MED12L: variants seen among roughly 807,000 people sequenced by gnomAD.
MED12L encodes mediator complex subunit 12L, also known as mediator of RNA polymerase II transcription subunit 12-like protein.
Under a neutral mutation model 281.3 loss-of-function variants are expected in MED12L, and 60 were observed. The observed-to-expected ratio is 0.21, with a 90% CI of 0.17 to 0.26. MED12L has a LOEUF of 0.26. MED12L is among the 10% of genes least tolerant of loss of function. The pLI is 1.00. For missense variants in MED12L, 2,146 were observed against 2,680.9 expected (o/e 0.80, Z 4.41); for synonymous variants, 974 against 987.2 (o/e 0.99, Z 0.25).
chr3:151,338,554 GAC>G, intron 16 of MED12L: 1 of 1,613,924 alleles, frequency 6.2e-7, no homozygotes, highest in South Asian at 1.1e-5. Flanking sequence ...GAGGTAACTT[GAC>G]ACACAAAAGT....
chr3:151,265,957 G>A (rs1023804410), intron 16 of MED12L, among the ~76,000 whole-genome samples: 5 of 152,178 alleles, frequency 3.3e-5, no homozygotes, highest in African/African-American at 1.2e-4. Flanking sequence ...GGGCAAGTCT[G>A]ATTAGTTCTG....
rs540396547 is a variant in MED12L, at chr3:151,167,438, T to A, written c.1494+1456T>A. Among the ~76,000 whole-genome samples the A allele has an allele frequency of 5.0e-4, 76 of 152,360 alleles. 1 individual carries two copies. The highest frequency in any genetic ancestry group is 1.7e-3 in the African/African-American group (72 of 41,584). ...TGATATTTCAACTGGCTTTTGGGAA[T>A]GCATATGTGGAAAGAAAAGATGAAA... On this transcript the variant is annotated intron_variant, in intron 11 of 44. Transcript: ENST00000687756.
Position 151,169,016 on chromosome 3 carries a change from TGGTATATGCATCAA to T in MED12L, c.1494+3042_1494+3055del, listed in dbSNP as rs576735882. Among the ~76,000 whole-genome samples the T allele has an allele frequency of 1.6e-3, 243 of 152,250 alleles. 1 individual carries two copies. Among genetic ancestry groups the T allele is most frequent in the African/African-American group, 5.3e-3 (221 of 41,548 alleles). On this transcript the variant is annotated intron_variant, in intron 11 of 44. Coordinates refer to ENST00000687756, the MANE Select transcript of MED12L (RefSeq NM_001393769.1). ...AATATGTCGTTGGTATCTGTATGTA[TGGTATATGCATCAA>T]GGTATATATGTATATGTAATCAAGT...
At chr3:151,128,241 A>G (rs376740009) in intron 5 of MED12L, among the ~76,000 whole-genome samples, 6 of 152,322 alleles carry the variant, frequency 3.9e-5, no homozygotes, top group African/African-American at 1.2e-4. Context: ...AGCTGTTGAA[A>G]TGCTGGTTCA....
chr3:151,356,418 A>G (rs1753930552), intron 19 of MED12L, among the ~76,000 whole-genome samples: 1 of 152,182 alleles, frequency 6.6e-6, no homozygotes, highest in African/African-American at 2.4e-5. Context: ...ATAAAATTTA[A>G]AAAATAAAAA....
intron 2 of MED12L, among the ~76,000 whole-genome samples, chr3:151,110,315 A>C (rs1446601591): frequency 6.6e-6 from 1 of 152,130 alleles, no homozygotes; most frequent in Non-Finnish European, 1.5e-5. Context: ...GAACCTCTTA[A>C]TGCTGCCTAA....
At chr3:151,325,729 A>G (rs1396963376) in intron 16 of MED12L, among the ~76,000 whole-genome samples, 2 of 152,180 alleles carry the variant, frequency 1.3e-5, no homozygotes, top group Non-Finnish European at 1.5e-5. Flanking sequence ...ATTTATCTTG[A>G]AAGATCTTTC....
chr3:151,118,622 A>G (rs953232902), intron 3 of MED12L, among the ~76,000 whole-genome samples: 20 of 151,398 alleles, frequency 1.3e-4, no homozygotes, highest in African/African-American at 4.9e-4. Flanking sequence ...GCAAACATCA[A>G]CCATTGTCAC....
At chr3:151,239,841 A>G (rs1250834302) in intron 16 of MED12L, among the ~76,000 whole-genome samples, 1 of 152,234 alleles carries the variant, frequency 6.6e-6, no homozygotes. Flanking sequence ...TGGACTGTCT[A>G]TAAATATCAA....
intron 2 of MED12L, among the ~76,000 whole-genome samples, chr3:151,097,168 C>G (rs1257109232): frequency 6.6e-6 from 1 of 152,118 alleles, no homozygotes; most frequent in East Asian, 1.9e-4. Context: ...TGAGATACCC[C>G]CTTATTTATG....
chr3:151,171,691 G>T (rs1039008563), intron 11 of MED12L, among the ~76,000 whole-genome samples: 6 of 152,240 alleles, frequency 3.9e-5, no homozygotes, highest in African/African-American at 1.4e-4. Flanking sequence ...GAATGGCAAA[G>T]GCCCTAAGTT....
chr3:151,407,779 G>C (rs1716499035), intron 39 of MED12L, among the ~76,000 whole-genome samples: 1 of 152,154 alleles, frequency 6.6e-6, no homozygotes, highest in African/African-American at 2.4e-5. Flanking sequence ...AATACCCTCA[G>C]AGGTACACTC....
At chr3:151,142,730 C>T (rs1717230997) in intron 5 of MED12L, among the ~76,000 whole-genome samples, 2 of 152,032 alleles carry the variant, frequency 1.3e-5, no homozygotes, top group Non-Finnish European at 2.9e-5. Context: ...TGGCTCTAAG[C>T]TAACCTTTTA....
At chr3:151,297,806 G>A (rs1745308463) in intron 16 of MED12L, among the ~76,000 whole-genome samples, 1 of 151,870 alleles carries the variant, frequency 6.6e-6, no homozygotes, top group East Asian at 1.9e-4. Context: ...AACAATTATG[G>A]TTATTATTAA....
At chr3:151,351,307 A>G (rs1030433358) in intron 17 of MED12L, among the ~76,000 whole-genome samples, 1 of 152,214 alleles carries the variant, frequency 6.6e-6, no homozygotes, top group African/African-American at 2.4e-5. Flanking sequence ...TTCTATCTGC[A>G]TATGGCATTC....
chr3:151,283,747 T>C (rs1419280077), intron 16 of MED12L, among the ~76,000 whole-genome samples: 10 of 152,254 alleles, frequency 6.6e-5, no homozygotes, highest in Non-Finnish European at 1.0e-4. Context: ...AACTCCGTGC[T>C]CTGGTTCTGC....
chr3:151,092,125 C>G (rs1196753629), intron 2 of MED12L, among the ~76,000 whole-genome samples: 1 of 152,208 alleles, frequency 6.6e-6, no homozygotes, highest in Non-Finnish European at 1.5e-5. Flanking sequence ...CAGGCTGCCT[C>G]TCTCTTCTTC....
intron 5 of MED12L, among the ~76,000 whole-genome samples, chr3:151,145,686 A>G (rs151053940): frequency 1.3e-4 from 20 of 152,352 alleles, no homozygotes; most frequent in Admixed American, 9.8e-4. Context: ...ATCTACAGTT[A>G]TCTCAAAATA....
chr3:151,320,937 G>C (rs575884341), intron 16 of MED12L, among the ~76,000 whole-genome samples: 1 of 152,288 alleles, frequency 6.6e-6, no homozygotes, highest in South Asian at 2.1e-4. Context: ...TGCCATGTAG[G>C]GTTGTAAAGC....
Sources: gnomAD v4.1 joint callset for allele counts (sites outside exome capture counted in the v4.1 genomes callset) on GRCh38, gnomAD v4.1.1 for gene constraint, MANE v1.5 for transcripts, NCBI Gene and HGNC (gene_info 2026-07-23, HGNC 2026-07-21) for gene names.